Variants in RUBCN observed in about 807,000 individuals in gnomAD.
The protein encoded by RUBCN is rubicon autophagy regulator, also known as run domain Beclin-1-interacting and cysteine-rich domain-containing protein.
A neutral mutation model predicts 113.2 loss-of-function variants in RUBCN; 74 were observed. The observed-to-expected ratio is 0.65, with a 90% CI of 0.54 to 0.79. The LOEUF (loss-of-function observed/expected upper bound fraction) is 0.79. RUBCN is among the 30% of genes least tolerant of loss of function. The pLI is 0.00. For synonymous variants in RUBCN, 480 were observed against 490.0 expected (o/e 0.98, Z 0.27); for missense variants, 1,109 against 1,251.7 (o/e 0.89, Z 1.72).
At chr3:197,731,619 G>A (rs1198340525) in intron 1 of RUBCN, among the ~76,000 whole-genome samples, 2 of 151,520 alleles carry the variant, frequency 1.3e-5, no homozygotes, top group Non-Finnish European at 2.9e-5. Context: ...TGGCCGGGCG[G>A]GGCCTGACCC....
chr3:197,744,382 G>A (rs1472594530), intron 1 of RUBCN, among the ~76,000 whole-genome samples: 5 of 152,036 alleles, frequency 3.3e-5, no homozygotes, highest in Admixed American at 6.6e-5. Context: ...AATGTAATTC[G>A]CCATATTAAT....
rs1721373588 is a variant in RUBCN at position 197,682,632 on chromosome 3, C to T, written c.1981-17G>A. The T allele has an allele frequency of 3.1e-6, 5 of 1,601,550 alleles. No individual in the cohort carries two copies. The highest frequency in any genetic ancestry group is 1.4e-5 in the African/African-American group (1 of 73,336). ...GGGCAGGAGCTGCAGGAGGAAAGCA[C>T]AGTTGGGGTAAGCTCGTGTCAGTGT... On this transcript the variant is annotated splice_polypyrimidine_tract_variant and intron_variant, in intron 13 of 19. Coordinates refer to ENST00000296343, the MANE Select transcript of RUBCN (RefSeq NM_014687.4).
At chr3:197,720,112 C>T (rs921288483) in intron 1 of RUBCN, among the ~76,000 whole-genome samples, 10 of 152,124 alleles carry the variant, frequency 6.6e-5, no homozygotes, top group African/African-American at 2.4e-4. Flanking sequence ...AGCACCAGAA[C>T]GTACTCCTCC....
chr3:197,718,662 C>G (rs1014653151), intron 1 of RUBCN, among the ~76,000 whole-genome samples: 1 of 151,988 alleles, frequency 6.6e-6, no homozygotes, highest in East Asian at 1.9e-4. Context: ...TGCTGCCCAA[C>G]TCCTGGCCTC....
intron 4 of RUBCN, 25 bp from the exon 5 acceptor site, chr3:197,703,679 T>C (rs1723959877): frequency 6.7e-7 from 1 of 1,487,590 alleles, no homozygotes; most frequent in African/African-American, 1.4e-5. Context: ...GCTGCCACAG[T>C]GATAGAGCCC....
rs1258642366 is a variant in RUBCN at position 197,675,590 on chromosome 3, G to A, written c.2647-75C>T. The A allele has an allele frequency of 2.7e-6, 3 of 1,111,444 alleles. No individual in the cohort carries two copies. The highest frequency in any genetic ancestry group is 4.1e-6 in the Non-Finnish European group (3 of 729,116). The allele number at this position is 1,111,444 out of a possible 1,614,324, so 68.8% of individuals were successfully genotyped here. ...CTGGCACGGGAGGGTGAACACCGAGGAGGGGAGTGGTCTACAGGGTTCTGC... is the reference window on the plus strand; with the variant it reads ...CTGGCACGGGAGGGTGAACACCGAGAAGGGGAGTGGTCTACAGGGTTCTGC... On this transcript the variant is annotated intron_variant, in intron 18 of 19. Coordinates refer to ENST00000296343, the MANE Select transcript of RUBCN (RefSeq NM_014687.4). This position sits in a 1 kb window ranked among gnomAD's most constrained non-coding sequence, Gnocchi z 4.4.
intron 11 of RUBCN, among the ~76,000 whole-genome samples, chr3:197,692,993 T>G (rs1722594283): frequency 6.6e-6 from 1 of 152,228 alleles, no homozygotes; most frequent in Admixed American, 6.5e-5. Context: ...TTCACTTCAG[T>G]AAGGAAACTA....
chr3:197,684,091 C>G (rs1230758306), intron 12 of RUBCN, 66 bp downstream of exon 12: 14 of 1,295,102 alleles, frequency 1.1e-5, no homozygotes, highest in Non-Finnish European at 1.5e-5. Flanking sequence ...ACACCAAGAA[C>G]TGGGTTTGTT....
At position 197,675,514 on chromosome 3, in the gene RUBCN, A is replaced by C; in HGVS notation, c.2648T>G (p.Leu883Arg). Residue 883 changes from leucine (L) to arginine (R), a missense_variant and splice_region_variant, in exon 19 of 20, where the codon CTC becomes CGC. Coordinates refer to ENST00000296343, the MANE Select transcript of RUBCN (RefSeq NM_014687.4). The surrounding 1 kb of genome is among the most constrained non-coding windows in gnomAD (Gnocchi z 4.4). Reference sequence around the variant, plus strand: ...ACAGATGAAGCCTTTGGCTTGGCAGAGCTGGGGAGGAAAAACACAGATGGC... The same window carrying C: ...ACAGATGAAGCCTTTGGCTTGGCAGCGCTGGGGAGGAAAAACACAGATGGC... ...AGATHVERCM[L>R]CQAKGFICEF... is the part of the protein sequence containing the mutation. 1 of 1,613,256 alleles carries C rather than the reference A, an allele frequency of 6.2e-7. No homozygotes were observed. The highest frequency in any genetic ancestry group is 8.5e-7 in the Non-Finnish European group (1 of 1,179,332).
chr3:197,720,826 T>C (rs1360666028), intron 1 of RUBCN, among the ~76,000 whole-genome samples: 1 of 152,166 alleles, frequency 6.6e-6, no homozygotes, highest in African/African-American at 2.4e-5. Context: ...ATATACTCAG[T>C]ATTGGGATTG....
chr3:197,691,748 T>C (rs1240393001), intron 11 of RUBCN, among the ~76,000 whole-genome samples: 1 of 152,110 alleles, frequency 6.6e-6, no homozygotes, highest in East Asian at 1.9e-4. Flanking sequence ...GGTAGTCAAG[T>C]GGACGGATCT....
At chr3:197,685,362 A>G (rs1721724672) in intron 11 of RUBCN, among the ~76,000 whole-genome samples, 1 of 152,138 alleles carries the variant, frequency 6.6e-6, no homozygotes, top group Non-Finnish European at 1.5e-5. Flanking sequence ...CCAATCTACC[A>G]TGAGCACTCA....
chr3:197,720,855 C>T (rs1726077382), intron 1 of RUBCN, among the ~76,000 whole-genome samples: 1 of 152,108 alleles, frequency 6.6e-6, no homozygotes, highest in African/African-American at 2.4e-5. Flanking sequence ...CACAGTAGTT[C>T]TATTTTTAAC....
chr3:197,694,968 A>AGGCTCAG (rs750658307), intron 9 of RUBCN, among the ~76,000 whole-genome samples: 43 of 152,376 alleles, frequency 2.8e-4, no homozygotes, highest in Non-Finnish European at 4.9e-4. Flanking sequence ...TGCTTATCTG[A>AGGCTCAG]GCCTTAGAAC....
intron 11 of RUBCN, among the ~76,000 whole-genome samples, chr3:197,687,242 G>A (rs1721950494): frequency 6.6e-6 from 1 of 152,136 alleles, no homozygotes; most frequent in Non-Finnish European, 1.5e-5. Flanking sequence ...TCAAAATGGA[G>A]AACCCAAAGT....
At position 197,675,374 on chromosome 3, in the gene RUBCN, G is replaced by A; in HGVS notation, c.2740+48C>T. On this transcript the variant is annotated intron_variant, in intron 19 of 19. Transcript: ENST00000296343. The surrounding 1 kb of genome is among the most constrained non-coding windows in gnomAD (Gnocchi z 4.4). The stretch of plus-strand genomic sequence containing the variant: ...ACAGGGGTGGCTCTGGGGAATCAAG[G>A]AGCCCTGTGTTCAGGCTCACTTGCC... The A allele has an allele frequency of 6.4e-7, 1 of 1,558,878 alleles. No homozygotes were observed. Among genetic ancestry groups the A allele is most frequent in the Middle Eastern group, 1.7e-4 (1 of 5,928 alleles).
chr3:197,739,529 TA>T (rs1309290617), upstream of RUBCN, among the ~76,000 whole-genome samples: 1 of 143,786 alleles, frequency 7.0e-6, no homozygotes, highest in East Asian at 2.1e-4. Context: ...CCGTCTCTAC[TA>T]AAAATACAAC....
chr3:197,746,812 A>G (rs1039715769), intron 1 of RUBCN, among the ~76,000 whole-genome samples: 1 of 152,166 alleles, frequency 6.6e-6, no homozygotes, highest in African/African-American at 2.4e-5. Context: ...GAACTGCTGT[A>G]CACCAACAAA....
chr3:197,746,411 C>T lies in RUBCN; in HGVS notation c.-116+2858G>A, dbSNP rs140392115. 1.4e-3 allele frequency among the ~76,000 whole-genome samples: 207 copies of T among 152,254 alleles called. 1 individual carries two copies. The highest frequency in any genetic ancestry group is 4.8e-3 in the African/African-American group (199 of 41,552). ...CTGGCACGCCTCAATCATTCCAGAT[C>T]ACTTACAGGAAAAAGCAGAAGTTAC... On this transcript the variant is annotated intron_variant, in intron 1 of 20. Coordinates refer to the RUBCN transcript ENST00000273582.
Sources: gnomAD v4.1 joint callset for allele counts (sites outside exome capture counted in the v4.1 genomes callset) on GRCh38, gnomAD v4.1.1 for gene constraint, Gnocchi (gnomAD v3.1) non-coding constraint, MANE v1.5 for transcripts, NCBI Gene and HGNC (gene_info 2026-07-23, HGNC 2026-07-21) for gene names.